RSRP1: variants seen among roughly 807,000 people sequenced by gnomAD.
The protein encoded by RSRP1 is arginine and serine rich protein 1, also known as arginine/serine-rich protein 1.
In RSRP1, 37 loss-of-function variants were observed where a neutral mutation model predicts 33.0. The ratio of observed to expected loss-of-function variants is 1.12; its 90% CI spans 0.86 to 1.48. The LOEUF (loss-of-function observed/expected upper bound fraction) is 1.48. Among genes scored for constraint, RSRP1 ranks in the 40% most tolerant of loss-of-function variants. RSRP1 has a pLI of 0.00. For missense variants in RSRP1, 402 were observed against 385.3 expected (o/e 1.04, Z -0.36); for synonymous variants, 167 against 158.7 (o/e 1.05, Z -0.40).
At chr1:25,243,804 T>G (rs1247064991) in intron 3 of RSRP1, 171 bp from the exon 4 acceptor site, 6 of 1,363,354 alleles carry the variant, frequency 4.4e-6, no homozygotes, top group Non-Finnish European at 5.7e-6. Flanking sequence ...ACAAAACTGA[T>G]TTAATATTAG....
At position 25,245,085 on chromosome 1, in the gene RSRP1, G is replaced by A. The variant is rs775273392; in HGVS notation, c.672+65C>T. On this transcript the variant is annotated intron_variant, in intron 3 of 4. Transcript: ENST00000243189. ...CCAAAAAGTATAGTCTAAGATATAA[G>A]TGGCTAATCAGATTTGACAGTTGGC... 13 of 1,613,360 alleles carry A rather than the reference G, an allele frequency of 8.1e-6. No individual in the cohort carries two copies. The Admixed American group carries it at 2.2e-4, about 27-fold the overall frequency.
Position 25,279,047 on chromosome 1 carries a change from G to A in RSRP1, c.-66-32018C>T, listed in dbSNP as rs1488234207. On this transcript the variant is annotated intron_variant, in intron 1 of 1. Transcript: ENST00000561867. ...CAGGCCAGAAGGAGGGGCAAGAGTG[G>A]GAGGGGGCGCAGATCCAGAATCACG... 2.3e-5 allele frequency among the ~76,000 whole-genome samples: 3 copies of A among 129,902 alleles called. No homozygotes were observed. In the East Asian group the frequency reaches 5.9e-4, roughly 25 times the overall value. 85.2% of individuals were successfully genotyped at this position (129,902 alleles called of 152,430 possible). A position where few individuals can be genotyped will look rare whatever the true frequency, so the allele number is the denominator to read the frequency against.
At chr1:25,307,930 C>A in intron 1 of RSRP1, 1 of 870,956 alleles carries the variant, frequency 1.1e-6, no homozygotes, top group Non-Finnish European at 1.8e-6. Flanking sequence ...CAATTCTAAG[C>A]AGAACCTTTC....
intron 1 of RSRP1, among the ~76,000 whole-genome samples, chr1:25,320,943 C>T (rs1207829750): frequency 7.6e-6 from 1 of 131,546 alleles, no homozygotes; most frequent in Non-Finnish European, 1.8e-5. Flanking sequence ...ACTTGGGAGG[C>T]TGAGGTGGGA....
At chr1:25,315,657 C>T (rs1424246343) in intron 1 of RSRP1, among the ~76,000 whole-genome samples, 2 of 127,158 alleles carry the variant, frequency 1.6e-5, no homozygotes, top group Non-Finnish European at 3.7e-5. Flanking sequence ...CCACCACTCC[C>T]GGCTAATGTT....
At chr1:25,310,340 AAG>A (rs1218861296) in intron 1 of RSRP1, among the ~76,000 whole-genome samples, 4 of 132,994 alleles carry the variant, frequency 3.0e-5, no homozygotes, top group African/African-American at 1.0e-4. Context: ...TAAGAAGAGA[AAG>A]AGAAATCTGA....
At position 25,302,361 on chromosome 1, in the gene RSRP1, C is replaced by G. The variant is rs1219385575; in HGVS notation, c.-67+35617G>C. ...TGGTGGTGTCGGAGGGAAGTCTGGA[C>G]AGACCAGTGGTGGGGCTCGGGTGGG... On this transcript the variant is annotated intron_variant, in intron 1 of 1. Transcript: ENST00000561867. Among the ~76,000 whole-genome samples, 9 of 126,836 alleles carry G rather than the reference C, an allele frequency of 7.1e-5. 1 individual carries two copies. Among genetic ancestry groups the G allele is most frequent in the Non-Finnish European group, 1.7e-4 (9 of 54,182 alleles). The allele number at this position is 126,836 out of a possible 152,430, so 83.2% of individuals were successfully genotyped here.
intron 1 of RSRP1, chr1:25,307,740 T>C (rs1557550394): frequency 7.6e-7 from 1 of 1,307,752 alleles, no homozygotes. Context: ...ATGGAGGCGC[T>C]GCGGTTCCTA....
intron 1 of RSRP1, among the ~76,000 whole-genome samples, chr1:25,286,151 C>T (rs532787313): frequency 8.1e-5 from 11 of 135,182 alleles, no homozygotes; most frequent in African/African-American, 2.3e-4. Flanking sequence ...AGCCAGCTCC[C>T]GATTGGCCCT....
chr1:25,243,687 A>C, intron 3 of RSRP1, 54 bp from the exon 4 acceptor site: 1 of 1,595,996 alleles, frequency 6.3e-7, no homozygotes, highest in Non-Finnish European at 8.5e-7. Flanking sequence ...TGGTTTCTAA[A>C]TCCTATATTA....
At position 25,306,641 on chromosome 1, in the gene RSRP1, G is replaced by C. The variant is rs1643863219; in HGVS notation, c.-67+31337C>G. 3.6e-6 allele frequency: 5 copies of C among 1,378,242 alleles called. 1 individual carries two copies. In the East Asian group the frequency reaches 6.7e-5, roughly 19 times the overall value. The allele number at this position is 1,378,242 out of a possible 1,614,324, so 85.4% of individuals were successfully genotyped here. A position where few individuals can be genotyped will look rare whatever the true frequency, so the allele number is the denominator to read the frequency against. On this transcript the variant is annotated intron_variant, in intron 1 of 1. Coordinates refer to the RSRP1 transcript ENST00000561867. ...GGGGATTCCCCACAGCTCCATCATG[G>C]GCTACAACTTCAGCTTGCTGGGTCT... is the stretch of plus-strand genomic sequence containing the variant.
intron 1 of RSRP1, among the ~76,000 whole-genome samples, chr1:25,290,208 G>T (rs1642366520): frequency 7.7e-6 from 1 of 129,596 alleles, no homozygotes; most frequent in Admixed American, 7.5e-5. Context: ...GGGATGGGGT[G>T]ACTGGATGTG....
chr1:25,315,657 C>A (rs1424246343), intron 1 of RSRP1, among the ~76,000 whole-genome samples: 1 of 127,158 alleles, frequency 7.9e-6, no homozygotes, highest in Non-Finnish European at 1.8e-5. Flanking sequence ...CCACCACTCC[C>A]GGCTAATGTT....
rs1457341972 is a variant in RSRP1, at chr1:25,276,891, C to A, written c.-66-29862G>T. Among the ~76,000 whole-genome samples, 2 of 130,456 alleles carry A rather than the reference C, an allele frequency of 1.5e-5. 1 individual carries two copies. The highest frequency in any genetic ancestry group is 5.2e-5 in the African/African-American group (2 of 38,204). 85.6% of individuals were successfully genotyped at this position (130,456 alleles called of 152,430 possible). A position where few individuals can be genotyped will look rare whatever the true frequency, so the allele number is the denominator to read the frequency against. ...ACCATCCTGGCTAACACGATGAAACCCCATCTCTACCAAAAATACAAAAAA... is the reference window on the plus strand; with the variant it reads ...ACCATCCTGGCTAACACGATGAAACACCATCTCTACCAAAAATACAAAAAA... On this transcript the variant is annotated intron_variant, in intron 1 of 1. Transcript: ENST00000561867.
rs1165077454 is a variant in RSRP1, at chr1:25,270,988, A to G, written c.-66-23959T>C. Among the ~76,000 whole-genome samples the G allele has an allele frequency of 6.9e-5, 9 of 130,214 alleles. 1 individual carries two copies. Among genetic ancestry groups the G allele is most frequent in the African/African-American group, 2.4e-4 (9 of 38,246 alleles). 85.4% of individuals were successfully genotyped at this position (130,214 alleles called of 152,430 possible). A position where few individuals can be genotyped will look rare whatever the true frequency, so the allele number is the denominator to read the frequency against. Reference sequence around the variant, plus strand: ...GGGAATATATTGTACATGCTGTTATATAACTTGCTTTTTCACTAAACAGTC... The same window carrying G: ...GGGAATATATTGTACATGCTGTTATGTAACTTGCTTTTTCACTAAACAGTC... On this transcript the variant is annotated intron_variant, in intron 1 of 1. Transcript: ENST00000561867.
chr1:25,263,057 A>C (rs1640207013), intron 1 of RSRP1, among the ~76,000 whole-genome samples: 1 of 152,214 alleles, frequency 6.6e-6, no homozygotes, highest in Non-Finnish European at 1.5e-5. Context: ...TGTGTGAAGG[A>C]AGGGCTCTCT....
chr1:25,274,744 C>CGT (rs1640795269), intron 1 of RSRP1, among the ~76,000 whole-genome samples: 2 of 134,092 alleles, frequency 1.5e-5, no homozygotes, highest in South Asian at 2.3e-4. Flanking sequence ...ACGTGGCTCA[C>CGT]GCCTGTAATC....
intron 1 of RSRP1, among the ~76,000 whole-genome samples, chr1:25,261,414 T>TC (rs1280366326): frequency 6.6e-6 from 1 of 151,420 alleles, no homozygotes; most frequent in East Asian, 1.9e-4. Flanking sequence ...TTCTTTTTTT[T>TC]TTTTTTTTGA....
intron 1 of RSRP1, among the ~76,000 whole-genome samples, chr1:25,264,048 G>A (rs574108851): frequency 5.3e-5 from 8 of 152,110 alleles, no homozygotes; most frequent in Non-Finnish European, 8.8e-5. Flanking sequence ...ATGGTCTTGG[G>A]CAGCTCTGCC....
Sources: allele counts gnomAD v4.1 joint callset (sites outside exome capture counted in the v4.1 genomes callset), GRCh38; gene constraint gnomAD v4.1.1; transcripts MANE v1.5; gene names NCBI Gene and HGNC (gene_info 2026-07-23, HGNC 2026-07-21).